CNTNAP4: variants seen among roughly 807,000 people sequenced by gnomAD.
CNTNAP4 encodes contactin-associated protein-like 4.
In CNTNAP4, 98 loss-of-function variants were observed where a neutral mutation model predicts 148.4. The ratio of observed to expected loss-of-function variants is 0.66; its 90% CI spans 0.56 to 0.78. The LOEUF (loss-of-function observed/expected upper bound fraction) is 0.78, where lower values mean the gene tolerates loss of function less well. Ranked by LOEUF, CNTNAP4 falls within the 30% of genes least tolerant of loss-of-function variation. The pLI is 0.00. For synonymous variants in CNTNAP4, 730 were observed against 565.1 expected (o/e 1.29, Z -4.14); for missense variants, 1,935 against 1,565.6 (o/e 1.24, Z -3.98).
chr16:76,285,059 A>T lies in CNTNAP4; in HGVS notation c.85+7312A>T, dbSNP rs1893472950. On this transcript the variant is annotated intron_variant, in intron 1 of 23. Coordinates refer to ENST00000611870, the MANE Select transcript of CNTNAP4 (RefSeq NM_033401.5). The stretch of plus-strand genomic sequence containing the variant: ...TGAAAAACTACAGAACTGTGTAATG[A>T]TAAAGAATGTACATGCCAAACGCAT... Among the ~76,000 whole-genome samples, 3 of 152,076 alleles carry T rather than the reference A, an allele frequency of 2.0e-5. No individual in the cohort carries two copies. In the South Asian group the frequency reaches 6.2e-4, roughly 32 times the overall value.
intron 2 of CNTNAP4, among the ~76,000 whole-genome samples, chr16:76,320,942 C>T (rs1597182939): frequency 6.6e-6 from 1 of 152,104 alleles, no homozygotes; most frequent in African/African-American, 2.4e-5. Flanking sequence ...TACATATGTA[C>T]ACCTCTTTAA....
intron 12 of CNTNAP4, among the ~76,000 whole-genome samples, chr16:76,484,275 G>GAAAAAAAAAAAAAAAAAAAAAAAAAA: frequency 1.4e-5 from 1 of 71,228 alleles, no homozygotes; most frequent in Non-Finnish European, 2.4e-5. Context: ...GGAGAGAAAT[G>GAAAAAAAAAAAAAAAAAAAAAAAAAA]AAAAAAAAAA....
chr16:76,328,699 G>C (rs1475980810), intron 2 of CNTNAP4, among the ~76,000 whole-genome samples: 1 of 152,000 alleles, frequency 6.6e-6, no homozygotes, highest in African/African-American at 2.4e-5. Flanking sequence ...ATGCTGGAGT[G>C]CATTAGCGCA....
At chr16:76,526,767 G>C (rs1286038203) in intron 17 of CNTNAP4, among the ~76,000 whole-genome samples, 1 of 152,024 alleles carries the variant, frequency 6.6e-6, no homozygotes. Context: ...TTGATCTCCT[G>C]GGCTCAAGGG....
chr16:76,435,497 G>A (rs118185663), intron 4 of CNTNAP4, among the ~76,000 whole-genome samples: 1,808 of 152,166 alleles, frequency 0.012, 13 homozygotes, highest in Non-Finnish European at 0.016. Context: ...AAATTTTGTC[G>A]TTGAGTGACT....
intron 4 of CNTNAP4, among the ~76,000 whole-genome samples, chr16:76,444,923 T>A (rs78745277): frequency 6.6e-6 from 1 of 152,274 alleles, no homozygotes; most frequent in African/African-American, 2.4e-5. Context: ...GCCAGTTTGT[T>A]GATTTCCGTC....
chr16:76,339,311 C>G (rs1408539059), intron 2 of CNTNAP4, among the ~76,000 whole-genome samples: 2 of 152,124 alleles, frequency 1.3e-5, no homozygotes, highest in African/African-American at 4.8e-5. Flanking sequence ...TATAACATCT[C>G]ATTTCTGCCT....
chr16:76,423,523 C>G (rs896066966), intron 3 of CNTNAP4, among the ~76,000 whole-genome samples: 1 of 152,112 alleles, frequency 6.6e-6, no homozygotes, highest in Non-Finnish European at 1.5e-5. Context: ...TAAAGAGATA[C>G]TTAAATCCAT....
chr16:76,526,564 G>A (rs1424916596), intron 17 of CNTNAP4, among the ~76,000 whole-genome samples: 1 of 152,166 alleles, frequency 6.6e-6, no homozygotes, highest in Non-Finnish European at 1.5e-5. Flanking sequence ...ACTTGCTAAT[G>A]AATTGGTCAT....
intron 4 of CNTNAP4, among the ~76,000 whole-genome samples, chr16:76,443,717 T>G (rs1325003726): frequency 6.6e-6 from 1 of 152,244 alleles, no homozygotes; most frequent in Non-Finnish European, 1.5e-5. Context: ...TGATTTGTAC[T>G]AATTTTAGCA....
At chr16:76,364,973 G>A (rs2013931747) in intron 3 of CNTNAP4, among the ~76,000 whole-genome samples, 1 of 152,138 alleles carries the variant, frequency 6.6e-6, no homozygotes, top group Non-Finnish European at 1.5e-5. Context: ...GAATGGTATT[G>A]CCTAGGTTTT....
chr16:76,458,603 C>T (rs756880043), intron 8 of CNTNAP4, among the ~76,000 whole-genome samples: 3 of 151,938 alleles, frequency 2.0e-5, no homozygotes, highest in South Asian at 2.1e-4. Context: ...CAATAGGGTT[C>T]GAACTCCTAG....
intron 15 of CNTNAP4, among the ~76,000 whole-genome samples, chr16:76,501,601 C>A (rs893539264): frequency 1.2e-4 from 19 of 152,088 alleles, no homozygotes; most frequent in Admixed American, 3.3e-4. Context: ...GAGTGGGATG[C>A]TACTGGCATG....
intron 3 of CNTNAP4, among the ~76,000 whole-genome samples, chr16:76,417,865 A>T (rs2079044010): frequency 6.6e-6 from 1 of 151,660 alleles, no homozygotes; most frequent in Admixed American, 6.6e-5. Flanking sequence ...ATTTCTCTGG[A>T]TATAGAGTTG....
intron 2 of CNTNAP4, among the ~76,000 whole-genome samples, chr16:76,339,655 C>G (rs1485308145): frequency 6.6e-6 from 1 of 152,178 alleles, no homozygotes; most frequent in African/African-American, 2.4e-5. Context: ...AAAGACAAAG[C>G]TCTTACAGCC....
intron 3 of CNTNAP4, among the ~76,000 whole-genome samples, chr16:76,361,705 T>G (rs1463155676): frequency 6.6e-6 from 1 of 152,216 alleles, no homozygotes. Flanking sequence ...CACATGGAAT[T>G]TCAGTTTTTA....
intron 3 of CNTNAP4, among the ~76,000 whole-genome samples, chr16:76,376,834 G>A (rs939763282): frequency 2.0e-5 from 3 of 152,096 alleles, no homozygotes; most frequent in Non-Finnish European, 4.4e-5. Flanking sequence ...AAAAGGAAGT[G>A]AAGTCAGGGA....
chr16:76,495,614 T>G (rs1425505312), intron 14 of CNTNAP4, among the ~76,000 whole-genome samples: 1 of 67,374 alleles, frequency 1.5e-5, no homozygotes, highest in African/African-American at 3.1e-5. Flanking sequence ...CAGAGAAGAA[T>G]CTTATGCATG....
At chr16:76,304,377 C>T (rs1033604053) in intron 1 of CNTNAP4, among the ~76,000 whole-genome samples, 8 of 151,994 alleles carry the variant, frequency 5.3e-5, no homozygotes, top group Non-Finnish European at 4.4e-5. Flanking sequence ...GAGACCCAGA[C>T]CACCACAGAA....
Sources: allele counts gnomAD v4.1 joint callset (sites outside exome capture counted in the v4.1 genomes callset), GRCh38; gene constraint gnomAD v4.1.1; transcripts MANE v1.5; gene names NCBI Gene and HGNC (gene_info 2026-07-23, HGNC 2026-07-21).